Variants in EPHA3 observed in about 807,000 individuals in gnomAD.
EPHA3 encodes ephrin type-A receptor 3.
In EPHA3, 42 loss-of-function variants were observed where a neutral mutation model predicts 107.1. That is an observed-to-expected ratio of 0.39 (90% CI 0.31 to 0.51). The LOEUF (loss-of-function observed/expected upper bound fraction) is 0.51. EPHA3 is among the 20% of genes least tolerant of loss of function. The pLI is 0.78. For missense variants in EPHA3, 1,183 were observed against 1,211.2 expected, an observed-to-expected ratio of 0.98 and a Z score of 0.35; for synonymous variants, 461 against 424.8, an observed-to-expected ratio of 1.09 and a Z score of -1.05.
intron 3 of EPHA3, among the ~76,000 whole-genome samples, chr3:89,328,715 G>A (rs1016331271): frequency 1.2e-4 from 18 of 152,214 alleles, no homozygotes; most frequent in African/African-American, 3.9e-4. Context: ...AACAGCCAAT[G>A]CACTTAATAC....
intron 15 of EPHA3, among the ~76,000 whole-genome samples, chr3:89,452,682 A>G (rs1244386337): frequency 6.6e-6 from 1 of 152,078 alleles, no homozygotes; most frequent in Non-Finnish European, 1.5e-5. Flanking sequence ...ACTGTGCAGA[A>G]AATTTTTAAT....
rs67054298 is a variant in EPHA3, at chr3:89,136,330, C to CTTTTTTTTTTTTTTTTTTTTTTTTTTT, written c.153+9081_153+9082insTTTTTTTTTTTTTTTTTTTTTTTTTTT. On this transcript the variant is annotated intron_variant, in intron 2 of 16. Coordinates refer to ENST00000336596, the MANE Select transcript of EPHA3 (RefSeq NM_005233.6). ...GAAAAACATGGCAAAATCTTACAGG[C>CTTTTTTTTTTTTTTTTTTTTTTTTTTT]TTTTTTTTTTTTTTTTTTTTTTTTG... Among the ~76,000 whole-genome samples, 17 of 23,384 alleles carry CTTTTTTTTTTTTTTTTTTTTTTTTTTT rather than the reference C, an allele frequency of 7.3e-4. 5 individuals carry two copies. Among genetic ancestry groups the CTTTTTTTTTTTTTTTTTTTTTTTTTTT allele is most frequent in the Non-Finnish European group, 9.4e-4 (12 of 12,826 alleles). 15.3% of individuals were successfully genotyped at this position (23,384 alleles called of 152,430 possible).
chr3:89,350,716 T>A (rs1707791975), intron 5 of EPHA3, among the ~76,000 whole-genome samples: 2 of 151,040 alleles, frequency 1.3e-5, no homozygotes, highest in African/African-American at 4.8e-5. Context: ...TTTCCAGTTT[T>A]TCTGTTCTGT....
At chr3:89,169,610 G>A (rs964363017) in intron 2 of EPHA3, among the ~76,000 whole-genome samples, 3 of 152,240 alleles carry the variant, frequency 2.0e-5, no homozygotes, top group African/African-American at 4.8e-5. Context: ...TGACCATACA[G>A]TGTTTTTGTG....
At chr3:89,180,736 T>C (rs1705425483) in intron 2 of EPHA3, among the ~76,000 whole-genome samples, 1 of 151,952 alleles carries the variant, frequency 6.6e-6, no homozygotes, top group African/African-American at 2.4e-5. Context: ...CGTTATTTTT[T>C]AAGGAAAAAA....
intron 3 of EPHA3, among the ~76,000 whole-genome samples, chr3:89,262,496 G>A (rs1705438885): frequency 6.6e-6 from 1 of 152,210 alleles, no homozygotes; most frequent in Admixed American, 6.5e-5. Flanking sequence ...TATTCACAGT[G>A]TGTGAGCATT....
chr3:89,253,823 GTT>G (rs35269238), intron 3 of EPHA3, among the ~76,000 whole-genome samples: 2 of 150,290 alleles, frequency 1.3e-5, no homozygotes, highest in African/African-American at 4.9e-5. Flanking sequence ...AATAAGAGGA[GTT>G]TTTTTTTTAA....
chr3:89,344,602 G>A (rs903438020), intron 5 of EPHA3, among the ~76,000 whole-genome samples: 1 of 152,076 alleles, frequency 6.6e-6, no homozygotes, highest in Admixed American at 6.6e-5. Flanking sequence ...TTTTGTTCTT[G>A]TGAAGGTTAA....
At chr3:89,202,982 ATGCCT>A (rs1171512953) in intron 2 of EPHA3, among the ~76,000 whole-genome samples, 2 of 152,168 alleles carry the variant, frequency 1.3e-5, no homozygotes, top group Non-Finnish European at 2.9e-5. Flanking sequence ...TGTGTAAGGC[ATGCCT>A]AGGCCCTGGC....
chr3:89,338,802 GTTATACA>G (rs1176648387), intron 3 of EPHA3, among the ~76,000 whole-genome samples: 1 of 152,110 alleles, frequency 6.6e-6, no homozygotes, highest in Non-Finnish European at 1.5e-5. Flanking sequence ...TACAACATTT[GTTATACA>G]GGTATTCACT....
intron 3 of EPHA3, among the ~76,000 whole-genome samples, chr3:89,263,500 G>A (rs1276200436): frequency 6.6e-6 from 1 of 152,264 alleles, no homozygotes; most frequent in African/African-American, 2.4e-5. Flanking sequence ...TATCGCTGGC[G>A]AAAGTGGCTC....
At position 89,482,090 on chromosome 3, in the gene EPHA3, T is replaced by C. The variant is rs1710629664; in HGVS notation, c.*2588T>C. ...AAATGATTTGTAGTGGAAACATTTA[T>C]ATTTTTATAATAAACATAATGAAAA... is the stretch of plus-strand genomic sequence containing the variant. On this transcript the variant is annotated 3_prime_UTR_variant, in exon 17 of 17. Transcript: ENST00000336596. 4.8e-6 allele frequency: 1 copy of C among 209,988 alleles called. No individual in the cohort carries two copies. The highest frequency in any genetic ancestry group is 1.9e-4 in the South Asian group (1 of 5,332). The allele number at this position is 209,988 out of a possible 1,614,324, so 13.0% of individuals were successfully genotyped here. A position where few individuals can be genotyped will look rare whatever the true frequency, so the allele number is the denominator to read the frequency against.
At chr3:89,338,991 G>A (rs1707455034) in intron 3 of EPHA3, among the ~76,000 whole-genome samples, 1 of 152,102 alleles carries the variant, frequency 6.6e-6, no homozygotes, top group South Asian at 2.1e-4. Flanking sequence ...ACTCAAACTA[G>A]TCACTAGACT....
At chr3:89,332,288 C>T (rs1359475245) in intron 3 of EPHA3, among the ~76,000 whole-genome samples, 1 of 152,136 alleles carries the variant, frequency 6.6e-6, no homozygotes, top group African/African-American at 2.4e-5. Context: ...GGCGAATGTA[C>T]ATTGGACATA....
At chr3:89,305,528 T>C (rs188191655) in intron 3 of EPHA3, among the ~76,000 whole-genome samples, 33 of 152,300 alleles carry the variant, frequency 2.2e-4, no homozygotes, top group African/African-American at 7.2e-4. Context: ...GTTACTATAT[T>C]CTTATTATGT....
chr3:89,155,762 T>A (rs911457513), intron 2 of EPHA3, among the ~76,000 whole-genome samples: 1 of 152,056 alleles, frequency 6.6e-6, no homozygotes, highest in Non-Finnish European at 1.5e-5. Context: ...TTGAGTTCCC[T>A]TGAGAGAGTG....
chr3:89,175,724 A>G (rs550426297), intron 2 of EPHA3, among the ~76,000 whole-genome samples: 2 of 152,150 alleles, frequency 1.3e-5, no homozygotes, highest in African/African-American at 4.8e-5. Context: ...AATACTTCCT[A>G]AAAGGACGGG....
chr3:89,128,225 T>C (rs557636406), intron 2 of EPHA3, among the ~76,000 whole-genome samples: 1 of 152,272 alleles, frequency 6.6e-6, no homozygotes, highest in South Asian at 2.1e-4. Flanking sequence ...ACCAGCTTCT[T>C]CACCAGCGGA....
At chr3:89,416,277 A>T (rs1037109428) in intron 10 of EPHA3, among the ~76,000 whole-genome samples, 32 of 151,554 alleles carry the variant, frequency 2.1e-4, no homozygotes, top group African/African-American at 7.7e-4. Context: ...ACTTATTAGA[A>T]TTAAAAAATC....
Sources: allele counts gnomAD v4.1 joint callset (sites outside exome capture counted in the v4.1 genomes callset), GRCh38; gene constraint gnomAD v4.1.1; transcripts MANE v1.5; gene names NCBI Gene and HGNC (gene_info 2026-07-23, HGNC 2026-07-21).